SNAP29: variants seen among roughly 807,000 people sequenced by gnomAD.
The protein encoded by SNAP29 is synaptosomal-associated protein 29.
Under a neutral mutation model 27.9 loss-of-function variants are expected in SNAP29, and 13 were observed. The observed-to-expected ratio is 0.47, with a 90% CI of 0.30 to 0.74. SNAP29 has a LOEUF of 0.74. SNAP29 is among the 30% of genes least tolerant of loss of function. The probability of loss-of-function intolerance (pLI) is 0.06; values close to 1 mark genes in which losing one functional copy is unlikely to be tolerated. For missense variants in SNAP29, 368 were observed against 336.5 expected (o/e 1.09, Z -0.73); for synonymous variants, 119 against 127.1 (o/e 0.94, Z 0.43).
At chr22:20,867,257 C>T (rs534382424) in intron 1 of SNAP29, among the ~76,000 whole-genome samples, 5 of 152,134 alleles carry the variant, frequency 3.3e-5, no homozygotes, top group Non-Finnish European at 7.4e-5. Flanking sequence ...GAGCTCACTC[C>T]CCTAGCAGCC....
intron 2 of SNAP29, among the ~76,000 whole-genome samples, chr22:20,876,084 C>T (rs1389370335): frequency 6.6e-6 from 1 of 151,346 alleles, no homozygotes; most frequent in Non-Finnish European, 1.5e-5. Flanking sequence ...TGGCATGAAC[C>T]CGGGAGGTGG....
intron 2 of SNAP29, among the ~76,000 whole-genome samples, chr22:20,872,291 A>T (rs1330965405): frequency 6.6e-6 from 1 of 151,758 alleles, no homozygotes; most frequent in Non-Finnish European, 1.5e-5. Context: ...CCCAGGCTGG[A>T]GTGCAAAGAC....
chr22:20,877,750 T>TC (rs1928783066), intron 2 of SNAP29, among the ~76,000 whole-genome samples: 1 of 152,178 alleles, frequency 6.6e-6, no homozygotes, highest in African/African-American at 2.4e-5. Flanking sequence ...GCTTTCTTTG[T>TC]GGGGGAGCCA....
chr22:20,871,612 G>A (rs955759337), intron 2 of SNAP29, among the ~76,000 whole-genome samples: 7 of 152,144 alleles, frequency 4.6e-5, no homozygotes, highest in Non-Finnish European at 8.8e-5. Context: ...GCCAGGCACG[G>A]TGGCTCACGC....
intron 2 of SNAP29, chr22:20,870,740 AAT>A (rs1442074108): frequency 7.9e-6 from 5 of 632,164 alleles, no homozygotes; most frequent in Non-Finnish European, 8.6e-6. Context: ...CTAGTCTGTC[AAT>A]AGCTTCTCCA....
At chr22:20,868,933 T>C (rs1450057932) in intron 1 of SNAP29, among the ~76,000 whole-genome samples, 6 of 152,192 alleles carry the variant, frequency 3.9e-5, no homozygotes, top group East Asian at 1.9e-4. Context: ...CACGTCTCCA[T>C]TGGGCAGATT....
At chr22:20,883,733 C>T (rs1268183973) in intron 4 of SNAP29, among the ~76,000 whole-genome samples, 164 bp downstream of exon 4, 1 of 152,124 alleles carries the variant, frequency 6.6e-6, no homozygotes, top group Admixed American at 6.5e-5. Flanking sequence ...TCTGGAATCT[C>T]TCCACTTCTC....
chr22:20,867,673 C>T (rs1364412604), intron 1 of SNAP29, among the ~76,000 whole-genome samples: 1 of 152,236 alleles, frequency 6.6e-6, no homozygotes, highest in Admixed American at 6.5e-5. Context: ...TCCAGCCTCA[C>T]AGGCAAGATA....
At chr22:20,863,384 AATTAT>A (rs1383748732) in intron 1 of SNAP29, among the ~76,000 whole-genome samples, 2 of 152,220 alleles carry the variant, frequency 1.3e-5, no homozygotes, top group Admixed American at 6.5e-5. Flanking sequence ...GGACTTTACA[AATTAT>A]ATTAGGTTGG....
intron 2 of SNAP29, among the ~76,000 whole-genome samples, chr22:20,877,446 C>T (rs768465014): frequency 1.1e-4 from 17 of 152,166 alleles, no homozygotes; most frequent in Non-Finnish European, 2.4e-4. Context: ...ATCTCAGCTA[C>T]TTGGGAGGCT....
At chr22:20,865,693 G>A (rs1928441949) in intron 1 of SNAP29, among the ~76,000 whole-genome samples, 1 of 152,182 alleles carries the variant, frequency 6.6e-6, no homozygotes, top group South Asian at 2.1e-4. Flanking sequence ...GTATGGTGAT[G>A]GTTTCTTACA....
chr22:20,881,147 C>CAAA lies in SNAP29; in HGVS notation c.520+13_520+14insAAA. The CAAA allele has an allele frequency of 6.4e-7, 1 of 1,562,580 alleles. No homozygotes were observed. The highest frequency in any genetic ancestry group is 8.8e-7 in the Non-Finnish European group (1 of 1,133,276). On this transcript the variant is annotated intron_variant, in intron 3 of 4. Coordinates refer to ENST00000215730, the MANE Select transcript of SNAP29 (RefSeq NM_004782.4). Reference sequence around the variant, plus strand: ...CTGGATGATACAGGTAAGTGGATACCTGTGTGCACAGCCACATTTGAATTC... The same window carrying CAAA: ...CTGGATGATACAGGTAAGTGGATACCAAATGTGTGCACAGCCACATTTGAATTC...
intron 1 of SNAP29, among the ~76,000 whole-genome samples, chr22:20,865,011 GT>G (rs1371733447): frequency 1.3e-5 from 2 of 152,334 alleles, no homozygotes; most frequent in African/African-American, 4.8e-5. Context: ...CGCTAGGTCT[GT>G]TCGGGATTTA....
chr22:20,865,361 A>C (rs1928433200), intron 1 of SNAP29, among the ~76,000 whole-genome samples: 1 of 152,112 alleles, frequency 6.6e-6, no homozygotes, highest in African/African-American at 2.4e-5. Context: ...TCTCAAAAAA[A>C]AAAAAGAATT....
chr22:20,860,080 A>G (rs2147856728), intron 1 of SNAP29, among the ~76,000 whole-genome samples: 1 of 152,208 alleles, frequency 6.6e-6, no homozygotes, highest in Middle Eastern at 3.4e-3. Flanking sequence ...GGCCGAGCGC[A>G]GTGACTCACG....
At chr22:20,861,538 A>G (rs567448141) in intron 1 of SNAP29, among the ~76,000 whole-genome samples, 1 of 152,016 alleles carries the variant, frequency 6.6e-6, no homozygotes, top group Non-Finnish European at 1.5e-5. Context: ...CCCCAGTTCA[A>G]ATGATTCTCC....
intron 4 of SNAP29, among the ~76,000 whole-genome samples, chr22:20,884,837 G>A (rs972564641): frequency 3.9e-5 from 6 of 152,170 alleles, no homozygotes; most frequent in Non-Finnish European, 7.3e-5. Flanking sequence ...GTGCAATGGT[G>A]CAATCTCAGC....
Position 20,859,028 on chromosome 22 carries a change from T to C in SNAP29, c.-83T>C, listed in dbSNP as rs1928097794. 1 of 1,388,840 alleles carries C rather than the reference T, an allele frequency of 7.2e-7. No homozygotes were observed. 86.0% of individuals were successfully genotyped at this position (1,388,840 alleles called of 1,614,324 possible). A position where few individuals can be genotyped will look rare whatever the true frequency, so the allele number is the denominator to read the frequency against. On this transcript the variant is annotated 5_prime_UTR_variant, in exon 1 of 5. Coordinates refer to ENST00000215730, the MANE Select transcript of SNAP29 (RefSeq NM_004782.4). ...AGGAGTTCGCGCGACGACCGCGGGG[T>C]CGGCGGGCGGGGCGAGGCCCTGGAC...
chr22:20,867,367 C>T (rs897296148), intron 1 of SNAP29, among the ~76,000 whole-genome samples: 3 of 151,694 alleles, frequency 2.0e-5, no homozygotes, highest in East Asian at 1.9e-4. Context: ...GTACCTGGAG[C>T]GGTTGAGGCC....
Sources: allele counts gnomAD v4.1 joint callset (sites outside exome capture counted in the v4.1 genomes callset), GRCh38; gene constraint gnomAD v4.1.1; transcripts MANE v1.5; gene names NCBI Gene and HGNC (gene_info 2026-07-23, HGNC 2026-07-21).